TPD52L1: variants seen among roughly 807,000 people sequenced by gnomAD.
TPD52L1 encodes the protein TPD52 like 1, also known as tumor protein D53.
TPD52L1 carries 18 observed loss-of-function variants against 28.7 expected under a neutral mutation model. That is an observed-to-expected ratio of 0.63 (90% CI 0.43 to 0.93). The LOEUF (loss-of-function observed/expected upper bound fraction) is 0.93, where lower values mean the gene tolerates loss of function less well. Among genes scored for constraint, TPD52L1 ranks in the 40% least tolerant of loss-of-function variants. TPD52L1 has a pLI of 0.00. For missense variants in TPD52L1, 203 were observed against 254.8 expected (o/e 0.80, Z 1.39); for synonymous variants, 75 against 88.8 (o/e 0.84, Z 0.88).
chr6:125,154,321 C>A, intron 1 of TPD52L1: 1 of 1,103,846 alleles, frequency 9.1e-7, no homozygotes, highest in Non-Finnish European at 1.1e-6. Flanking sequence ...GTGTTTCGCT[C>A]CCTTTCCCTT....
At chr6:125,261,027 A>AG (rs1168951630) in intron 6 of TPD52L1, 3 of 117,910 alleles carry the variant, frequency 2.5e-5, no homozygotes, top group East Asian at 4.7e-4. Context: ...AGAAAAGAAA[A>AG]GAAAGAAAGA....
In TPD52L1 at chr6:125,215,273, A is replaced by C. The variant is rs115454991; in HGVS notation, c.20-4805A>C. Among the ~76,000 whole-genome samples, 749 of 152,160 alleles carry C rather than the reference A, an allele frequency of 4.9e-3. 5 individuals carry two copies. The highest frequency in any genetic ancestry group is 0.017 in the African/African-American group (703 of 41,498). ...TGGTTTTGACTTCATTTCACTAGTT[A>C]ATTACCTTTTTAATCCAACTCCTCT... On this transcript the variant is annotated intron_variant, in intron 1 of 6. Transcript: ENST00000534000.
At chr6:125,169,755 ATTC>A (rs1240405627) in intron 1 of TPD52L1, among the ~76,000 whole-genome samples, 1 of 152,034 alleles carries the variant, frequency 6.6e-6, no homozygotes, top group Non-Finnish European at 1.5e-5. Context: ...CCTTCACTCC[ATTC>A]TCAACATAGT....
chr6:125,200,078 A>T (rs1793709516), intron 1 of TPD52L1, among the ~76,000 whole-genome samples: 1 of 151,896 alleles, frequency 6.6e-6, no homozygotes, highest in Admixed American at 6.6e-5. Context: ...TGATTATTAA[A>T]CCCCTCTTTC....
At chr6:125,172,157 T>TTTCC (rs1554202455) in intron 1 of TPD52L1, among the ~76,000 whole-genome samples, 39 of 54,040 alleles carry the variant, frequency 7.2e-4, no homozygotes, top group African/African-American at 2.8e-3. Context: ...TCTTTCTTTC[T>TTTCC]TTTCTTTCTT....
chr6:125,169,133 C>T (rs1791113275), intron 1 of TPD52L1, among the ~76,000 whole-genome samples: 1 of 152,124 alleles, frequency 6.6e-6, no homozygotes, highest in African/African-American at 2.4e-5. Context: ...CGGGGTTGCC[C>T]ACTATCTGCT....
intron 1 of TPD52L1, among the ~76,000 whole-genome samples, chr6:125,166,440 C>T (rs993842151): frequency 4.6e-5 from 7 of 151,980 alleles, no homozygotes; most frequent in Non-Finnish European, 1.0e-4. Flanking sequence ...TTTAGATATC[C>T]CAGGGTTCCA....
At chr6:125,210,979 G>A (rs953490316) in intron 1 of TPD52L1, among the ~76,000 whole-genome samples, 1 of 152,122 alleles carries the variant, frequency 6.6e-6, no homozygotes, top group African/African-American at 2.4e-5. Flanking sequence ...GCAATCGACG[G>A]ATCATTAAGC....
At chr6:125,178,983 A>C (rs1792006706) in intron 1 of TPD52L1, among the ~76,000 whole-genome samples, 1 of 152,168 alleles carries the variant, frequency 6.6e-6, no homozygotes, top group South Asian at 2.1e-4. Flanking sequence ...TTGTAGCCCT[A>C]CATTATTTGA....
chr6:125,251,904 TA>T, intron 4 of TPD52L1: 1 of 976,190 alleles, frequency 1.0e-6, no homozygotes, highest in South Asian at 1.5e-5. Flanking sequence ...TAAATGAAGC[TA>T]CCCTGTCTGT....
intron 4 of TPD52L1, 70 bp from the exon 5 acceptor site, chr6:125,253,647 G>A (rs1583021847): frequency 7.2e-7 from 1 of 1,380,174 alleles, no homozygotes; most frequent in African/African-American, 1.4e-5. Context: ...CGAATAGGGA[G>A]TTTTTCATGT....
chr6:125,196,899 G>A (rs1465268531), intron 1 of TPD52L1, among the ~76,000 whole-genome samples: 2 of 152,110 alleles, frequency 1.3e-5, no homozygotes, highest in East Asian at 3.9e-4. Flanking sequence ...TATCAAAAGT[G>A]TAGTCATATT....
intron 1 of TPD52L1, among the ~76,000 whole-genome samples, chr6:125,209,867 C>T (rs1794384391): frequency 6.6e-6 from 1 of 152,084 alleles, no homozygotes; most frequent in Non-Finnish European, 1.5e-5. Flanking sequence ...TAGAGGAAGC[C>T]AGATTGGGGC....
chr6:125,225,036 G>A (rs1030553793), intron 2 of TPD52L1, among the ~76,000 whole-genome samples: 3 of 152,134 alleles, frequency 2.0e-5, no homozygotes, highest in African/African-American at 7.2e-5. Context: ...GCAGCCGCCA[G>A]TCTTCATTCT....
chr6:125,235,128 T>TAATAATAATAATAATAAA (rs1796184594), intron 3 of TPD52L1, among the ~76,000 whole-genome samples: 1 of 149,986 alleles, frequency 6.7e-6, no homozygotes, highest in Admixed American at 6.7e-5. Context: ...ATAATAATAA[T>TAATAATAATAATAATAAA]AATAAAACAC....
chr6:125,195,626 A>G (rs1793378561), intron 1 of TPD52L1, among the ~76,000 whole-genome samples: 1 of 152,228 alleles, frequency 6.6e-6, no homozygotes, highest in Non-Finnish European at 1.5e-5. Context: ...GTCTTGGTCC[A>G]GTCAACAGGC....
chr6:125,194,202 G>A (rs550853393), intron 1 of TPD52L1, among the ~76,000 whole-genome samples: 35 of 151,978 alleles, frequency 2.3e-4, no homozygotes, highest in Middle Eastern at 3.4e-3. Flanking sequence ...CTTTGGAAGC[G>A]TCTAGTTTGC....
Position 125,234,908 on chromosome 6 carries a change from C to A in TPD52L1, c.284+5642C>A, listed in dbSNP as rs143872018. Among the ~76,000 whole-genome samples the A allele has an allele frequency of 3.0e-3, 459 of 151,846 alleles. 13 individuals are homozygous for A. The East Asian group carries it at 0.05, about 17-fold the overall frequency. Reference sequence around the variant, plus strand: ...ACGAGTTCAAGATCAGCCTGAGCAGCGTGGTGAAACTGCATCTTTACAAAA... The same window carrying A: ...ACGAGTTCAAGATCAGCCTGAGCAGAGTGGTGAAACTGCATCTTTACAAAA... On this transcript the variant is annotated intron_variant, in intron 3 of 6. Transcript: ENST00000534000.
intron 1 of TPD52L1, among the ~76,000 whole-genome samples, chr6:125,193,804 T>A (rs939966512): frequency 1.6e-4 from 25 of 152,110 alleles, no homozygotes; most frequent in African/African-American, 6.0e-4. Context: ...ATACATTCAT[T>A]ATGCAACTGG....
Sources: allele counts gnomAD v4.1 joint callset (sites outside exome capture counted in the v4.1 genomes callset), GRCh38; gene constraint gnomAD v4.1.1; transcripts MANE v1.5; gene names NCBI Gene and HGNC (gene_info 2026-07-23, HGNC 2026-07-21).